Variants in GPC5 observed in about 807,000 individuals in gnomAD.
GPC5 encodes glypican 5, also known as glypican-5.
In GPC5, 47 loss-of-function variants were observed where a neutral mutation model predicts 53.9. The ratio of observed to expected loss-of-function variants is 0.87; its 90% CI spans 0.69 to 1.11. GPC5 has a LOEUF of 1.11. Among genes scored for constraint, GPC5 ranks in the 50% most tolerant of loss-of-function variants. GPC5 has a pLI of 0.00. For synonymous variants in GPC5, 286 were observed against 263.3 expected (o/e 1.09, Z -0.84); for missense variants, 748 against 713.1 (o/e 1.05, Z -0.56).
At chr13:91,936,546 G>GT (rs1421783476) in intron 6 of GPC5, among the ~76,000 whole-genome samples, 2 of 151,956 alleles carry the variant, frequency 1.3e-5, no homozygotes, top group African/African-American at 4.8e-5. Context: ...TACATATTTG[G>GT]TTTTTTATAA....
intron 5 of GPC5, among the ~76,000 whole-genome samples, chr13:91,849,140 T>C (rs1392971658): frequency 6.6e-6 from 1 of 152,196 alleles, no homozygotes; most frequent in African/African-American, 2.4e-5. Flanking sequence ...ACATTGCTCT[T>C]TTTCTGATCT....
intron 2 of GPC5, among the ~76,000 whole-genome samples, chr13:91,450,766 A>T (rs1481281911): frequency 6.6e-6 from 1 of 152,048 alleles, no homozygotes; most frequent in Non-Finnish European, 1.5e-5. Context: ...GACATTCTTA[A>T]ATATGATTTT....
intron 7 of GPC5, among the ~76,000 whole-genome samples, chr13:92,845,477 A>G (rs947166481): frequency 6.6e-6 from 1 of 152,168 alleles, no homozygotes; most frequent in Non-Finnish European, 1.5e-5. Context: ...TTGAAGACAC[A>G]CAGAGGTTTC....
chr13:91,506,518 A>C (rs1388098955), intron 2 of GPC5, among the ~76,000 whole-genome samples: 1 of 152,164 alleles, frequency 6.6e-6, no homozygotes, highest in Non-Finnish European at 1.5e-5. Context: ...AATTGCATAA[A>C]ATTCTGAAAG....
At chr13:92,573,111 A>G (rs1386522884) in intron 7 of GPC5, among the ~76,000 whole-genome samples, 1 of 152,186 alleles carries the variant, frequency 6.6e-6, no homozygotes, top group Non-Finnish European at 1.5e-5. Context: ...TTTTATCAAA[A>G]CTATCATGAC....
At chr13:92,501,089 T>C (rs1056313631) in intron 7 of GPC5, among the ~76,000 whole-genome samples, 4 of 152,234 alleles carry the variant, frequency 2.6e-5, no homozygotes, top group African/African-American at 9.6e-5. Flanking sequence ...ACCTCACATA[T>C]GGCTTACAAG....
intron 2 of GPC5, among the ~76,000 whole-genome samples, chr13:91,533,680 C>T (rs149603277): frequency 9.2e-4 from 140 of 152,194 alleles, no homozygotes; most frequent in East Asian, 2.7e-3. Flanking sequence ...CACAGGCCAC[C>T]GAAAGGAAGC....
At chr13:92,131,197 G>A (rs1156813978) in intron 6 of GPC5, among the ~76,000 whole-genome samples, 4 of 151,856 alleles carry the variant, frequency 2.6e-5, no homozygotes, top group Non-Finnish European at 5.9e-5. Context: ...GGTTTCAGAA[G>A]GTGTGGAATA....
intron 7 of GPC5, among the ~76,000 whole-genome samples, chr13:92,260,717 C>T (rs965661796): frequency 3.3e-5 from 5 of 152,156 alleles, no homozygotes; most frequent in Admixed American, 6.6e-5. Context: ...CCCTTTCCTC[C>T]TGTCTCTTCT....
chr13:92,126,309 T>C (rs951699998), intron 6 of GPC5, among the ~76,000 whole-genome samples: 2 of 152,168 alleles, frequency 1.3e-5, no homozygotes, highest in African/African-American at 4.8e-5. Flanking sequence ...ATTGCAGGTG[T>C]ATGAAAAAGA....
intron 2 of GPC5, among the ~76,000 whole-genome samples, chr13:91,623,491 T>C (rs2033918375): frequency 6.6e-6 from 1 of 151,552 alleles, no homozygotes. Flanking sequence ...CAGCAGAGAG[T>C]CTCTAGGTCA....
intron 2 of GPC5, among the ~76,000 whole-genome samples, chr13:91,528,693 T>A (rs1426282909): frequency 6.6e-6 from 1 of 152,166 alleles, no homozygotes; most frequent in East Asian, 1.9e-4. Flanking sequence ...CACACTGCTA[T>A]AAAGAACCCC....
At chr13:92,358,523 C>T (rs1317967653) in intron 7 of GPC5, among the ~76,000 whole-genome samples, 2 of 151,690 alleles carry the variant, frequency 1.3e-5, no homozygotes, top group Non-Finnish European at 2.9e-5. Context: ...CTGTGCACTA[C>T]CCTGGTAAAA....
At chr13:92,717,386 T>A (rs1403161624) in intron 7 of GPC5, among the ~76,000 whole-genome samples, 2 of 152,094 alleles carry the variant, frequency 1.3e-5, no homozygotes, top group African/African-American at 4.8e-5. Flanking sequence ...TAATATTTAC[T>A]TTAACTTTTT....
intron 6 of GPC5, among the ~76,000 whole-genome samples, chr13:92,106,717 A>C (rs1164569800): frequency 6.6e-6 from 1 of 152,114 alleles, no homozygotes; most frequent in East Asian, 1.9e-4. Context: ...CATGAGTTGT[A>C]GCACATTGTT....
At chr13:92,181,289 C>G (rs1480670045) in intron 7 of GPC5, among the ~76,000 whole-genome samples, 1 of 152,180 alleles carries the variant, frequency 6.6e-6, no homozygotes. Context: ...CATATAATTT[C>G]TTGCTACTAA....
rs567018030 is a variant in GPC5 at position 92,369,430 on chromosome 13, G to A, written c.1561+224441G>A. 3.0e-3 allele frequency among the ~76,000 whole-genome samples: 455 copies of A among 152,238 alleles called. 1 individual carries two copies. Among genetic ancestry groups the A allele is most frequent in the Non-Finnish European group, 4.7e-3 (318 of 68,008 alleles). On this transcript the variant is annotated intron_variant, in intron 7 of 7. Coordinates refer to ENST00000377067, the MANE Select transcript of GPC5 (RefSeq NM_004466.6). ...TGGCCTCAAGTGATCCTCCCACCAG[G>A]GCCTCCCAAAGTGTGAGATTACAGA... is the stretch of plus-strand genomic sequence containing the variant.
intron 6 of GPC5, among the ~76,000 whole-genome samples, chr13:91,913,008 A>G (rs1408352269): frequency 6.6e-6 from 1 of 152,210 alleles, no homozygotes; most frequent in Admixed American, 6.5e-5. Context: ...TCTAGAGACC[A>G]AGGTAACTGT....
At chr13:91,826,994 C>T (rs1423642770) in intron 5 of GPC5, among the ~76,000 whole-genome samples, 2 of 151,556 alleles carry the variant, frequency 1.3e-5, no homozygotes, top group African/African-American at 4.8e-5. Context: ...CGTAGTTAGA[C>T]AAAGTAAGAT....
Sources: gnomAD v4.1 joint callset for allele counts (sites outside exome capture counted in the v4.1 genomes callset) on GRCh38, gnomAD v4.1.1 for gene constraint, MANE v1.5 for transcripts, NCBI Gene and HGNC (gene_info 2026-07-23, HGNC 2026-07-21) for gene names.